The following SAXO1 variants were observed in gnomAD, a reference collection of about 807,000 sequenced individuals.
The protein encoded by SAXO1 is stabilizer of axonemal microtubules 1, also known as 4930500O09Rik.
Under a neutral mutation model 17.5 loss-of-function variants are expected in SAXO1, and 21 were observed. That is an observed-to-expected ratio of 1.20 (90% confidence interval 0.85 to 1.72). The LOEUF is 1.72. SAXO1 is among the 40% of genes most tolerant of loss of function. The pLI is 0.00. For missense variants in SAXO1, 843 were observed against 596.0 expected (o/e 1.41, Z -4.32); for synonymous variants, 274 against 216.5 (o/e 1.27, Z -2.33).
At chr9:18,960,963 A>T (rs989315237) in intron 1 of SAXO1, among the ~76,000 whole-genome samples, 2 of 152,124 alleles carry the variant, frequency 1.3e-5, no homozygotes, top group African/African-American at 4.8e-5. Flanking sequence ...GAGTGCTGGC[A>T]GTGTTCTTCA....
At chr9:18,968,226 G>A (rs1832806166) in intron 1 of SAXO1, among the ~76,000 whole-genome samples, 1 of 152,124 alleles carries the variant, frequency 6.6e-6, no homozygotes, top group Admixed American at 6.5e-5. Flanking sequence ...TTTGTTATTT[G>A]TAGAGATGAG....
chr9:18,996,753 G>A (rs1289775009), intron 1 of SAXO1, among the ~76,000 whole-genome samples: 1 of 152,058 alleles, frequency 6.6e-6, no homozygotes, highest in African/African-American at 2.4e-5. Flanking sequence ...ATGAAAAACT[G>A]AAAACTTTTT....
chr9:18,976,685 G>A lies in SAXO1; in HGVS notation c.39-25748C>T, dbSNP rs552687902. On this transcript the variant is annotated intron_variant, in intron 1 of 3. Transcript: ENST00000380534. ...GTAACTCTCCCCCAAGCTCAGGGAC[G>A]CTTTCCTGAGTCTTGTGGTTGTAAT... Among the ~76,000 whole-genome samples the A allele has an allele frequency of 1.2e-4, 19 of 152,320 alleles. No individual in the cohort carries two copies. The South Asian group carries it at 2.3e-3, about 18-fold the overall frequency.
At chr9:18,942,263 T>TA (rs1301859643) in intron 2 of SAXO1, among the ~76,000 whole-genome samples, 2 of 152,212 alleles carry the variant, frequency 1.3e-5, no homozygotes, top group Non-Finnish European at 2.9e-5. Flanking sequence ...TTCCCCAGTT[T>TA]AAAACTCTTC....
At chr9:18,999,461 C>G (rs1488988265) in intron 1 of SAXO1, among the ~76,000 whole-genome samples, 1 of 152,006 alleles carries the variant, frequency 6.6e-6, no homozygotes, top group African/African-American at 2.4e-5. Context: ...GCCCCACCAT[C>G]TGGCAAGTGA....
chr9:18,972,616 A>G (rs1223966911), intron 1 of SAXO1, among the ~76,000 whole-genome samples: 1 of 152,206 alleles, frequency 6.6e-6, no homozygotes, highest in Non-Finnish European at 1.5e-5. Flanking sequence ...TAGGGCTACA[A>G]AGGACCCTCA....
At chr9:19,031,712 C>G (rs562711494) in intron 1 of SAXO1, among the ~76,000 whole-genome samples, 1 of 152,304 alleles carries the variant, frequency 6.6e-6, no homozygotes, top group East Asian at 1.9e-4. Context: ...CCAGTCCTAG[C>G]AAATGGCCAG....
intron 1 of SAXO1, among the ~76,000 whole-genome samples, chr9:18,993,574 AAGTTAC>A (rs1371201440): frequency 2.0e-5 from 3 of 152,208 alleles, no homozygotes; most frequent in Admixed American, 6.5e-5. Flanking sequence ...GGAGAGGTAC[AAGTTAC>A]AGTGCACTGA....
Position 18,928,384 on chromosome 9 carries a change from T to C in SAXO1, c.1093A>G (p.Thr365Ala). ...GTGGTCAGGCAGTCCAGGGGCTCGGTGGGCAAGTCCAGCTGGGGAACGGGC... is the reference window on the plus strand; with the variant it reads ...GTGGTCAGGCAGTCCAGGGGCTCGGCGGGCAAGTCCAGCTGGGGAACGGGC... ...VKPVPQLDLPTEPLDCLTTTR... is the reference protein window; with the variant it reads ...VKPVPQLDLPAEPLDCLTTTR... The change falls in exon 4 of 4, where the codon ACC (threonine) becomes GCC (alanine). Residue 365 changes from threonine (T) to alanine (A), a missense_variant. Transcript: ENST00000380534. 1 of 1,611,828 alleles carries C rather than the reference T, an allele frequency of 6.2e-7. No individual in the cohort carries two copies. Among genetic ancestry groups the C allele is most frequent in the Non-Finnish European group, 8.5e-7 (1 of 1,179,028 alleles).
At chr9:19,029,240 A>C (rs1234802684) in intron 1 of SAXO1, among the ~76,000 whole-genome samples, 6 of 152,246 alleles carry the variant, frequency 3.9e-5, no homozygotes, top group African/African-American at 1.4e-4. Flanking sequence ...TTGCTCAAGA[A>C]AAACTTCGGA....
intron 1 of SAXO1, among the ~76,000 whole-genome samples, chr9:18,958,301 G>A (rs557238837): frequency 3.9e-5 from 6 of 152,246 alleles, no homozygotes; most frequent in African/African-American, 1.4e-4. Flanking sequence ...GTGGGCACCT[G>A]TAATTCCAGC....
At position 18,975,223 on chromosome 9, in the gene SAXO1, G is replaced by T. The variant is rs552080224; in HGVS notation, c.39-24286C>A. ...GGAGGCTGCAGGCTGGGGAAGCAGG[G>T]AGAGTGCAGGCTGGGGAAGCAGGGA... On this transcript the variant is annotated intron_variant, in intron 1 of 3. Transcript: ENST00000380534. Among the ~76,000 whole-genome samples the T allele has an allele frequency of 6.9e-4, 5 of 7,214 alleles. No individual in the cohort carries two copies. In the South Asian group the frequency reaches 9.4e-3, roughly 14 times the overall value. 4.7% of individuals were successfully genotyped at this position (7,214 alleles called of 152,430 possible).
chr9:18,951,809 T>C (rs1199380160), intron 1 of SAXO1, among the ~76,000 whole-genome samples: 1 of 152,220 alleles, frequency 6.6e-6, no homozygotes, highest in Admixed American at 6.5e-5. Context: ...TGTACATTTT[T>C]CAACCTTGTC....
chr9:18,951,259 G>A (rs936625931), intron 1 of SAXO1, among the ~76,000 whole-genome samples: 14 of 152,014 alleles, frequency 9.2e-5, no homozygotes, highest in African/African-American at 1.4e-4. Context: ...CAAGCTCTCC[G>A]AGTGCCACCC....
chr9:19,012,680 A>G (rs1834799214), intron 1 of SAXO1, among the ~76,000 whole-genome samples: 2 of 151,054 alleles, frequency 1.3e-5, no homozygotes, highest in African/African-American at 4.9e-5. Context: ...CCTTGCTTAG[A>G]ACTCAGACAA....
At chr9:18,930,512 TA>T (rs375929836) in intron 3 of SAXO1, among the ~76,000 whole-genome samples, 3,498 of 147,508 alleles carry the variant, frequency 0.024, 141 homozygotes, top group African/African-American at 0.074. Context: ...TTTTTTTTTT[TA>T]TTTGAGATGG....
chr9:18,947,311 A>C (rs1172049273), intron 2 of SAXO1, among the ~76,000 whole-genome samples: 1 of 152,168 alleles, frequency 6.6e-6, no homozygotes, highest in African/African-American at 2.4e-5. Context: ...ACCTTTGGGG[A>C]GGATACTAAA....
chr9:18,961,620 G>T lies in SAXO1; in HGVS notation c.39-10683C>A, dbSNP rs569689247. 4.6e-5 allele frequency among the ~76,000 whole-genome samples: 7 copies of T among 152,220 alleles called. No homozygotes were observed. In the East Asian group the frequency reaches 9.7e-4, roughly 21 times the overall value. ...TTCTGTTCCTGTGTTAGTTTGCTGA[G>T]AATGATGGTTTCCAGCTTCATCCAT... is the stretch of plus-strand genomic sequence containing the variant. On this transcript the variant is annotated intron_variant, in intron 1 of 3. Transcript: ENST00000380534.
rs1389615362 is a variant in SAXO1, at chr9:19,011,854, T to TG, written c.38+21016_38+21017insC. Reference sequence around the variant, plus strand: ...TTTACCATTATTAAGCATAGATTTTTTTTTTTTTTTGAGATGGAGTCTCAT... The same window carrying TG: ...TTTACCATTATTAAGCATAGATTTTTGTTTTTTTTTTGAGATGGAGTCTCAT... On this transcript the variant is annotated intron_variant, in intron 1 of 3. Coordinates refer to ENST00000380534, the MANE Select transcript of SAXO1 (RefSeq NM_153707.4). Among the ~76,000 whole-genome samples the TG allele has an allele frequency of 2.7e-4, 41 of 150,832 alleles. 1 individual carries two copies. The highest frequency in any genetic ancestry group is 1.3e-3 in the Admixed American group (20 of 15,168).
Sources: gnomAD v4.1 joint callset for allele counts (sites outside exome capture counted in the v4.1 genomes callset) on GRCh38, gnomAD v4.1.1 for gene constraint, MANE v1.5 for transcripts, NCBI Gene and HGNC (gene_info 2026-07-23, HGNC 2026-07-21) for gene names.